The following ANK2 variants were observed in gnomAD, a reference collection of about 807,000 sequenced individuals.
ANK2 encodes ankyrin 2.
Under a neutral mutation model 360.5 loss-of-function variants are expected in ANK2, and 83 were observed. The ratio of observed to expected loss-of-function variants is 0.23; its 90% CI spans 0.19 to 0.28. The LOEUF (loss-of-function observed/expected upper bound fraction) is 0.28, where lower values mean the gene tolerates loss of function less well. ANK2 is among the 10% of genes least tolerant of loss of function. ANK2 has a pLI of 1.00. For missense variants in ANK2, 4,201 were observed against 4,795.7 expected, an observed-to-expected ratio of 0.88 and a Z score of 3.66; for synonymous variants, 1,740 against 1,759.5, an observed-to-expected ratio of 0.99 and a Z score of 0.28.
the ANK2 span, among the ~76,000 whole-genome samples, chr4:112,740,088 A>G: frequency 6.6e-6 from 1 of 151,950 alleles, no homozygotes; most frequent in Admixed American, 6.6e-5. Flanking sequence ...TCTCCACATC[A>G]ACCTGGTCTT....
At chr4:112,854,361 G>A (rs116089702) in intron 1 of ANK2, among the ~76,000 whole-genome samples, 1,977 of 152,288 alleles carry the variant, frequency 0.013, 20 homozygotes, top group Non-Finnish European at 0.019. Context: ...ACTTTAAGTG[G>A]TTTAATTTGA....
chr4:113,376,956 A>G (rs2096965477), intron 45 of ANK2, among the ~76,000 whole-genome samples: 1 of 152,076 alleles, frequency 6.6e-6, no homozygotes, highest in Non-Finnish European at 1.5e-5. Flanking sequence ...TGGAGTTGTC[A>G]TATCCTAAGA....
intron 20 of ANK2, among the ~76,000 whole-genome samples, chr4:113,289,292 T>C (rs1027059112): frequency 9.3e-5 from 14 of 151,066 alleles, no homozygotes; most frequent in Non-Finnish European, 1.9e-4. Flanking sequence ...CAGAGCTCAC[T>C]GCAGTCTAGA....
intron 2 of ANK2, among the ~76,000 whole-genome samples, chr4:113,020,490 C>T (rs2057763242): frequency 6.6e-6 from 1 of 152,156 alleles, no homozygotes; most frequent in African/African-American, 2.4e-5. Context: ...CTATGGTGCC[C>T]AGCCTGAGGC....
At chr4:112,765,644 C>T in the ANK2 span, among the ~76,000 whole-genome samples, 2 of 147,276 alleles carry the variant, frequency 1.4e-5, no homozygotes, top group East Asian at 4.0e-4. Context: ...TCTGGAACAA[C>T]TCCCCCCTCC....
intron 1 of ANK2, among the ~76,000 whole-genome samples, chr4:112,854,643 G>A (rs1223637433): frequency 6.6e-6 from 1 of 152,152 alleles, no homozygotes; most frequent in Non-Finnish European, 1.5e-5. Context: ...ATGCTAAGAA[G>A]GCATTAAGGG....
chr4:113,370,681 A>T (rs774095148), intron 43 of ANK2, among the ~76,000 whole-genome samples: 1 of 152,112 alleles, frequency 6.6e-6, no homozygotes, highest in Non-Finnish European at 1.5e-5. Context: ...AATGGCATGA[A>T]CCCGGGAAGC....
chr4:113,235,514 G>A (rs2099364892), intron 5 of ANK2, among the ~76,000 whole-genome samples: 1 of 152,138 alleles, frequency 6.6e-6, no homozygotes, highest in Non-Finnish European at 1.5e-5. Flanking sequence ...TCTCTAGAAT[G>A]CAGTCCTGGG....
intron 45 of ANK2, among the ~76,000 whole-genome samples, chr4:113,375,724 CAA>C (rs538542250): frequency 1.9e-5 from 2 of 102,828 alleles, no homozygotes; most frequent in Admixed American, 1.1e-4. Flanking sequence ...GAATTCGTCT[CAA>C]AAAAAAAAAA....
chr4:113,348,490 A>G (rs962383364), intron 36 of ANK2, among the ~76,000 whole-genome samples, 182 bp downstream of exon 36: 10 of 152,138 alleles, frequency 6.6e-5, no homozygotes, highest in Admixed American at 2.6e-4. Flanking sequence ...ACTTAAGGGA[A>G]TAGTAAAGTT....
chr4:113,284,651 A>G (rs1354734071), intron 18 of ANK2, among the ~76,000 whole-genome samples: 1 of 152,194 alleles, frequency 6.6e-6, no homozygotes, highest in Non-Finnish European at 1.5e-5. Context: ...TGAATCACAA[A>G]GTAATTTTGT....
rs542821446 is a variant in ANK2 at position 113,368,026 on chromosome 4, T to G, written c.11318+175T>G. Among the ~76,000 whole-genome samples, 107 of 152,336 alleles carry G rather than the reference T, an allele frequency of 7.0e-4. 1 individual carries two copies. Among genetic ancestry groups the G allele is most frequent in the Non-Finnish European group, 1.3e-3 (91 of 68,020 alleles). On this transcript the variant is annotated intron_variant, in intron 42 of 45. Transcript: ENST00000357077. ...CGTTAACATGTAAGAGACATAATTG[T>G]GACAGTGTTTGGGGCACAGACCTAC...
At position 113,372,451 on chromosome 4, in the gene ANK2, A is replaced by G. The variant is rs2154072159; in HGVS notation, c.11611-639A>G. On this transcript the variant is annotated intron_variant, in intron 43 of 45. Transcript: ENST00000357077. ...CCTCCATGAATAAAAGTTTCACAATACAATGTAAGCTAAAGAAGAAACCAG... is the reference window on the plus strand; with the variant it reads ...CCTCCATGAATAAAAGTTTCACAATGCAATGTAAGCTAAAGAAGAAACCAG... 5 of 872,760 alleles carry G rather than the reference A, an allele frequency of 5.7e-6. No homozygotes were observed. The South Asian group carries it at 8.0e-5, about 14-fold the overall frequency. 54.1% of individuals were successfully genotyped at this position (872,760 alleles called of 1,614,324 possible). A position where few individuals can be genotyped will look rare whatever the true frequency, so the allele number is the denominator to read the frequency against.
chr4:113,298,315 C>G (rs1037937883), intron 22 of ANK2, among the ~76,000 whole-genome samples: 2 of 152,010 alleles, frequency 1.3e-5, no homozygotes, highest in African/African-American at 4.8e-5. Flanking sequence ...GAAACAAAAA[C>G]AAGTTTAGCT....
intron 26 of ANK2, among the ~76,000 whole-genome samples, chr4:113,329,324 G>A (rs1014204248): frequency 3.3e-5 from 5 of 152,224 alleles, no homozygotes; most frequent in African/African-American, 4.8e-5. Flanking sequence ...AGACAAACCC[G>A]TTCTCTTGGT....
the ANK2 span, among the ~76,000 whole-genome samples, chr4:112,759,415 G>T: frequency 6.6e-6 from 1 of 152,198 alleles, no homozygotes; most frequent in Non-Finnish European, 1.5e-5. Context: ...AAAGCACTGG[G>T]ATTACAAGCG....
intron 1 of ANK2, among the ~76,000 whole-genome samples, chr4:112,845,242 A>C (rs1387558367): frequency 2.0e-5 from 3 of 152,182 alleles, no homozygotes; most frequent in Non-Finnish European, 4.4e-5. Flanking sequence ...TAATTATTAG[A>C]ATAAATAAAT....
rs1190079010 is a variant in ANK2 at position 113,358,065 on chromosome 4, A to G, written c.9447A>G (p.Glu3149=). ...REETLSEDVK[E]GATGADPLPL... is the part of the protein sequence containing the mutation. ...AGACTCTCTCTGAAGATGTGAAAGA[A>G]GGGGCTACTGGGGCTGATCCCCTAC... The change falls in exon 38 of 46, where the codon GAA becomes GAG. Residue 3149 remains glutamate, a synonymous_variant. Transcript: ENST00000357077. 1 of 1,614,096 alleles carries G rather than the reference A, an allele frequency of 6.2e-7. No homozygotes were observed. Among genetic ancestry groups the G allele is most frequent in the Admixed American group, 1.7e-5 (1 of 60,014 alleles).
the ANK2 span, among the ~76,000 whole-genome samples, chr4:112,741,379 G>C: frequency 6.6e-6 from 1 of 152,108 alleles, no homozygotes; most frequent in Non-Finnish European, 1.5e-5. Flanking sequence ...GCCCTCTTCA[G>C]AGAGCTCCCT....
Sources: allele counts gnomAD v4.1 joint callset (sites outside exome capture counted in the v4.1 genomes callset), GRCh38; gene constraint gnomAD v4.1.1; transcripts MANE v1.5; gene names NCBI Gene and HGNC (gene_info 2026-07-23, HGNC 2026-07-21).